The following FNDC3B variants were observed in gnomAD, a reference collection of about 807,000 sequenced individuals.
The protein encoded by FNDC3B is fibronectin type III domain-containing protein 3B.
FNDC3B carries 12 observed loss-of-function variants against 151.5 expected under a neutral mutation model. That is an observed-to-expected ratio of 0.08 (90% CI 0.05 to 0.13). The LOEUF (loss-of-function observed/expected upper bound fraction) is 0.13, where lower values mean the gene tolerates loss of function less well. Ranked by LOEUF, FNDC3B falls within the 10% of genes least tolerant of loss-of-function variation. The probability of loss-of-function intolerance (pLI) is 1.00; values close to 1 mark genes in which losing one functional copy is unlikely to be tolerated. For synonymous variants in FNDC3B, 528 were observed against 549.0 expected, an observed-to-expected ratio of 0.96 and a Z score of 0.54; for missense variants, 1,214 against 1,505.3, an observed-to-expected ratio of 0.81 and a Z score of 3.20.
In FNDC3B at chr3:172,397,259, C is replaced by T. The variant is rs1576978107; in HGVS notation, c.3399C>T (p.Asp1133=). 1 of 1,614,220 alleles carries T rather than the reference C, an allele frequency of 6.2e-7. No homozygotes were observed. The highest frequency in any genetic ancestry group is 8.5e-7 in the Non-Finnish European group (1 of 1,180,020). The change falls in exon 26 of 26, where the codon GAC becomes GAT. Residue 1133 remains aspartate (D), a synonymous_variant. Coordinates refer to ENST00000415807, the MANE Select transcript of FNDC3B (RefSeq NM_022763.4). ...FRVCACRRCL[D]TSQELSGAFS... The stretch of plus-strand genomic sequence containing the variant: ...TATGTGCGTGTCGTCGCTGTTTAGA[C>T]ACCTCTCAGGAGCTAAGCGGAGCCT...
chr3:172,233,296 A>C (rs1726977939), intron 4 of FNDC3B, among the ~76,000 whole-genome samples: 1 of 152,226 alleles, frequency 6.6e-6, no homozygotes, highest in African/African-American at 2.4e-5. Flanking sequence ...TAACTGTTGT[A>C]ATCCCAAAAG....
At chr3:172,194,274 TG>T (rs1255788820) in intron 3 of FNDC3B, among the ~76,000 whole-genome samples, 3 of 152,194 alleles carry the variant, frequency 2.0e-5, no homozygotes, top group Non-Finnish European at 4.4e-5. Context: ...TAGTATTGAT[TG>T]ATGCATTTAT....
chr3:172,357,565 C>T (rs1427327866), intron 22 of FNDC3B, among the ~76,000 whole-genome samples: 1 of 152,178 alleles, frequency 6.6e-6, no homozygotes, highest in African/African-American at 2.4e-5. Flanking sequence ...TGTCACCTTT[C>T]ACTGGAATTA....
chr3:172,096,747 ATT>A (rs1325008011), intron 1 of FNDC3B, among the ~76,000 whole-genome samples: 1 of 152,206 alleles, frequency 6.6e-6, no homozygotes, highest in African/African-American at 2.4e-5. Flanking sequence ...GAGTGGTGAG[ATT>A]ATGAACAATT....
In FNDC3B at chr3:172,092,461, G is replaced by A. The variant is rs139176665; in HGVS notation, c.-28-19991G>A. Among the ~76,000 whole-genome samples, 87 of 152,302 alleles carry A rather than the reference G, an allele frequency of 5.7e-4. 1 individual carries two copies. The highest frequency in any genetic ancestry group is 2.0e-3 in the African/African-American group (82 of 41,552). Reference sequence around the variant, plus strand: ...ACACATTATTATGTGGATGTAAAACGTGGACTGAATGGAGGAAAGGCTGTT... The same window carrying A: ...ACACATTATTATGTGGATGTAAAACATGGACTGAATGGAGGAAAGGCTGTT... On this transcript the variant is annotated intron_variant, in intron 1 of 25. Coordinates refer to ENST00000415807, the MANE Select transcript of FNDC3B (RefSeq NM_022763.4).
intron 16 of FNDC3B, 39 bp downstream of exon 16, chr3:172,337,440 C>G: frequency 1.5e-6 from 2 of 1,297,552 alleles, no homozygotes; most frequent in Non-Finnish European, 2.2e-6. Context: ...AATCCAATAG[C>G]AAGCTCTGTT....
intron 4 of FNDC3B, among the ~76,000 whole-genome samples, chr3:172,231,467 A>G (rs1726884528): frequency 6.6e-6 from 1 of 152,234 alleles, no homozygotes; most frequent in African/African-American, 2.4e-5. Flanking sequence ...CTAGTACAAA[A>G]GAAGGGGCAA....
intron 1 of FNDC3B, among the ~76,000 whole-genome samples, chr3:172,064,131 G>A (rs1350140516): frequency 1.3e-5 from 2 of 152,140 alleles, no homozygotes; most frequent in Non-Finnish European, 2.9e-5. Flanking sequence ...AACATAGCAA[G>A]ACTCTCTCTT....
chr3:172,297,967 A>T (rs1576885846), intron 8 of FNDC3B, among the ~76,000 whole-genome samples: 1 of 152,152 alleles, frequency 6.6e-6, no homozygotes, highest in East Asian at 1.9e-4. Flanking sequence ...ATATTTTGAA[A>T]AATTGGGCAG....
chr3:172,094,561 G>A (rs541025255), intron 1 of FNDC3B, among the ~76,000 whole-genome samples: 342 of 152,214 alleles, frequency 2.2e-3, no homozygotes, highest in African/African-American at 7.5e-3. Context: ...ACATTTTTGT[G>A]TGTCCATTCT....
chr3:172,390,729 G>A (rs1288736892), intron 25 of FNDC3B, among the ~76,000 whole-genome samples: 3 of 152,050 alleles, frequency 2.0e-5, no homozygotes, highest in Non-Finnish European at 4.4e-5. Flanking sequence ...TGTGGGGATA[G>A]GTTATTAAGT....
chr3:172,124,042 T>G (rs1033736010), intron 2 of FNDC3B, among the ~76,000 whole-genome samples: 1 of 152,192 alleles, frequency 6.6e-6, no homozygotes, highest in African/African-American at 2.4e-5. Flanking sequence ...AGTGGTTTAC[T>G]CGGGATGAGA....
At chr3:172,219,533 TG>T (rs1172964246) in intron 3 of FNDC3B, among the ~76,000 whole-genome samples, 1 of 152,268 alleles carries the variant, frequency 6.6e-6, no homozygotes, top group Non-Finnish European at 1.5e-5. Flanking sequence ...CACAATGTTA[TG>T]CAACCACTAC....
chr3:172,261,370 G>T (rs1033378957), intron 6 of FNDC3B, among the ~76,000 whole-genome samples: 1 of 152,202 alleles, frequency 6.6e-6, no homozygotes, highest in Admixed American at 6.5e-5. Flanking sequence ...CTGTGGAATG[G>T]AGCTCTAGGA....
At chr3:172,348,915 G>C (rs1024075345) in intron 21 of FNDC3B, among the ~76,000 whole-genome samples, 14 of 152,096 alleles carry the variant, frequency 9.2e-5, no homozygotes, top group African/African-American at 3.4e-4. Flanking sequence ...GTTATTTGTG[G>C]ACCAAATATG....
At chr3:172,182,365 T>C (rs1362230418) in intron 3 of FNDC3B, among the ~76,000 whole-genome samples, 1 of 152,192 alleles carries the variant, frequency 6.6e-6, no homozygotes, top group Admixed American at 6.5e-5. Context: ...GAGTCGTAAG[T>C]GGCCAGCCTT....
chr3:172,043,027 G>C lies in FNDC3B; in HGVS notation c.-29+3256G>C, dbSNP rs1273702603. On this transcript the variant is annotated intron_variant, in intron 1 of 25. Coordinates refer to ENST00000415807, the MANE Select transcript of FNDC3B (RefSeq NM_022763.4). ...CCTCCCGGATTCAAGCGATTCTCCT[G>C]CCTTAGCCTCCCGAGTAGCTGGGAT... Among the ~76,000 whole-genome samples, 3 of 151,948 alleles carry C rather than the reference G, an allele frequency of 2.0e-5. No homozygotes were observed. In the East Asian group the frequency reaches 5.8e-4, roughly 29 times the overall value.
At chr3:172,306,206 G>T (rs572182798) in intron 9 of FNDC3B, among the ~76,000 whole-genome samples, 1 of 152,278 alleles carries the variant, frequency 6.6e-6, no homozygotes, top group Non-Finnish European at 1.5e-5. Context: ...TGTTGTTTGT[G>T]TTCATTGGGT....
At chr3:172,330,776 C>T (rs1732610329) in intron 13 of FNDC3B, 61 bp downstream of exon 13, 3 of 1,322,966 alleles carry the variant, frequency 2.3e-6, no homozygotes, top group Non-Finnish European at 3.2e-6. Flanking sequence ...ATTATAGCTA[C>T]AGGGCACCAT....
Sources: allele counts gnomAD v4.1 joint callset (sites outside exome capture counted in the v4.1 genomes callset), GRCh38; gene constraint gnomAD v4.1.1; transcripts MANE v1.5; gene names NCBI Gene and HGNC (gene_info 2026-07-23, HGNC 2026-07-21).